Variants in ACSM3 observed in about 807,000 individuals in gnomAD.
ACSM3 encodes the protein acyl-CoA synthetase medium chain family member 3.
In ACSM3, 61 loss-of-function variants were observed where a neutral mutation model predicts 74.1. The observed-to-expected ratio is 0.82, with a 90% CI of 0.67 to 1.02. The LOEUF is 1.02. ACSM3 is among the 50% of genes least tolerant of loss of function. The pLI is 0.00. For missense variants in ACSM3, 660 were observed against 697.0 expected, an observed-to-expected ratio of 0.95 and a Z score of 0.60; for synonymous variants, 213 against 241.5, an observed-to-expected ratio of 0.88 and a Z score of 1.09.
chr16:20,754,410 C>T (rs192828847), intron 2 of ACSM3, among the ~76,000 whole-genome samples: 1 of 152,284 alleles, frequency 6.6e-6, no homozygotes. Context: ...AAGCCTAACT[C>T]AGAATTTAAA....
At chr16:20,691,190 G>T in intron 1 of ACSM3, 1 of 1,568,046 alleles carries the variant, frequency 6.4e-7, no homozygotes, top group Non-Finnish European at 8.6e-7. Flanking sequence ...CCACTGCATG[G>T]TGAAACAGTC....
upstream of ACSM3, among the ~76,000 whole-genome samples, chr16:20,762,739 C>G (rs946393039): frequency 1.3e-5 from 2 of 152,038 alleles, no homozygotes; most frequent in Non-Finnish European, 2.9e-5. Context: ...TAAAAACACT[C>G]AGAAAAAAAT....
rs150358594 is a variant in ACSM3, at chr16:20,739,064, T to C, written c.-189-10846T>C. On this transcript the variant is annotated intron_variant, in intron 1 of 3. Transcript: ENST00000561584. ...ACTTCCAGAGGGCTGCTGATCCTTG[T>C]CTGTAAACTGTTTGCATAAAACTAA... is the stretch of plus-strand genomic sequence containing the variant. 97 of 1,614,062 alleles carry C rather than the reference T, an allele frequency of 6.0e-5. No individual in the cohort carries two copies. The highest frequency in any genetic ancestry group is 8.0e-5 in the Non-Finnish European group (94 of 1,180,024).
chr16:20,711,374 A>G (rs1448837629), intron 1 of ACSM3: 2 of 451,040 alleles, frequency 4.4e-6, no homozygotes, highest in East Asian at 9.7e-5. Context: ...TGAAGGATGG[A>G]TTGTAATGCT....
chr16:20,713,389 T>G (rs954790003), intron 1 of ACSM3, among the ~76,000 whole-genome samples: 5 of 152,116 alleles, frequency 3.3e-5, no homozygotes, highest in African/African-American at 1.2e-4. Flanking sequence ...TAAAATACTT[T>G]TTAACATACC....
chr16:20,675,128 C>T (rs958198110), intron 1 of ACSM3, among the ~76,000 whole-genome samples: 1 of 151,988 alleles, frequency 6.6e-6, no homozygotes, highest in African/African-American at 2.4e-5. Flanking sequence ...CAGAGAGGTT[C>T]GTTTCCTCTG....
rs770803905 is a variant in ACSM3, at chr16:20,790,902, T to A, written c.1326+214T>A. On this transcript the variant is annotated intron_variant, in intron 10 of 13. Coordinates refer to ENST00000289416, the MANE Select transcript of ACSM3 (RefSeq NM_005622.4). The surrounding 1 kb of genome is among the most constrained non-coding windows in gnomAD (Gnocchi z 4.0). Reference sequence around the variant, plus strand: ...TGGTCCCCTGAGGCCAGATCACTGTTCCAGGTCCACGAAGGCAAGAGGAAG... The same window carrying A: ...TGGTCCCCTGAGGCCAGATCACTGTACCAGGTCCACGAAGGCAAGAGGAAG... 4 of 1,613,932 alleles carry A rather than the reference T, an allele frequency of 2.5e-6. No homozygotes were observed. In the African/African-American group the frequency reaches 5.3e-5, roughly 22 times the overall value.
intron 1 of ACSM3, among the ~76,000 whole-genome samples, chr16:20,769,036 G>A (rs118031121): frequency 0.07 from 10,614 of 152,206 alleles, 516 homozygotes; most frequent in Admixed American, 0.11. Flanking sequence ...GCTGACATCT[G>A]CAATTATGTA....
At chr16:20,728,028 C>G in intron 1 of ACSM3, 1 of 183,002 alleles carries the variant, frequency 5.5e-6, no homozygotes, top group Non-Finnish European at 1.1e-5. Context: ...AACTACTGGT[C>G]TCAAATAGTA....
At chr16:20,781,838 A>C in intron 7 of ACSM3, 51 bp downstream of exon 7, 1 of 1,397,546 alleles carries the variant, frequency 7.2e-7, no homozygotes, top group Non-Finnish European at 1.0e-6. Context: ...GAGAAGAGGA[A>C]GCTATAAAAT....
At chr16:20,773,069 A>G (rs542145192) in intron 2 of ACSM3, among the ~76,000 whole-genome samples, 2 of 151,924 alleles carry the variant, frequency 1.3e-5, no homozygotes, top group South Asian at 2.1e-4. Flanking sequence ...ATCTCATTAC[A>G]TATTATTGGT....
chr16:20,792,071 G>T lies in ACSM3; in HGVS notation c.1396G>T (p.Asp466Tyr), dbSNP rs374787604. ...TATCACTGGGGACAGAGGATATATG[G>T]ATAAAGATGGGTATTTCTGGTTTGT... is the stretch of plus-strand genomic sequence containing the variant. ...FYITGDRGYM[D>Y]KDGYFWFVAR... The change falls in exon 11 of 14, where the codon GAT becomes TAT. Residue 466 changes from aspartate (D) to tyrosine (Y), a missense_variant. Transcript: ENST00000289416. The T allele has an allele frequency of 1.2e-6, 2 of 1,614,034 alleles. No individual in the cohort carries two copies. Among genetic ancestry groups the T allele is most frequent in the Non-Finnish European group, 1.7e-6 (2 of 1,180,006 alleles).
rs1470407231 is a variant in ACSM3 at position 20,790,240 on chromosome 16, C to T, written c.1225-347C>T. On this transcript the variant is annotated intron_variant, in intron 9 of 13. Transcript: ENST00000289416. This position sits in a 1 kb window ranked among gnomAD's most constrained non-coding sequence, Gnocchi z 4.0. ...GCCAAGGCTGGAATATCACTGGAAG[C>T]CAGGAACCAGCCTGGGCAACATAAT... Among the ~76,000 whole-genome samples, 2 of 152,032 alleles carry T rather than the reference C, an allele frequency of 1.3e-5. No individual in the cohort carries two copies. Among genetic ancestry groups the T allele is most frequent in the Non-Finnish European group, 2.9e-5 (2 of 68,010 alleles).
At chr16:20,780,615 C>CA in intron 4 of ACSM3, 99 bp from the exon 5 acceptor site, 1 of 1,610,568 alleles carries the variant, frequency 6.2e-7, no homozygotes, top group Non-Finnish European at 8.5e-7. Context: ...TGATTCATGA[C>CA]ATGAAGAGGT....
intron 4 of ACSM3, among the ~76,000 whole-genome samples, chr16:20,778,754 AT>A (rs1372984659): frequency 6.6e-6 from 1 of 150,740 alleles, no homozygotes; most frequent in Non-Finnish European, 1.5e-5. Context: ...ACAGCTATAG[AT>A]ACTTTTTTTT....
chr16:20,693,776 TC>T (rs1226530681), intron 1 of ACSM3, among the ~76,000 whole-genome samples: 1 of 152,218 alleles, frequency 6.6e-6, no homozygotes, highest in African/African-American at 2.4e-5. Context: ...GCTTAAAATC[TC>T]TAACCTAGGC....
At chr16:20,750,627 C>A (rs2079982182) in intron 2 of ACSM3, among the ~76,000 whole-genome samples, 1 of 152,150 alleles carries the variant, frequency 6.6e-6, no homozygotes, top group African/African-American at 2.4e-5. Flanking sequence ...AATTCTGCAT[C>A]AGACTTAAGC....
chr16:20,782,611 G>A (rs1387191518), intron 7 of ACSM3, among the ~76,000 whole-genome samples: 2 of 152,090 alleles, frequency 1.3e-5, no homozygotes, highest in Non-Finnish European at 2.9e-5. Flanking sequence ...TATCTCCGTG[G>A]AGGCAGCATC....
chr16:20,716,174 G>A (rs2079760871), intron 1 of ACSM3, among the ~76,000 whole-genome samples: 1 of 152,188 alleles, frequency 6.6e-6, no homozygotes, highest in Non-Finnish European at 1.5e-5. Flanking sequence ...GAGGACATAT[G>A]CTCTGCTCTC....
Sources: allele counts gnomAD v4.1 joint callset (sites outside exome capture counted in the v4.1 genomes callset), GRCh38; gene constraint gnomAD v4.1.1; non-coding constraint Gnocchi (gnomAD v3.1); transcripts MANE v1.5; gene names NCBI Gene and HGNC (gene_info 2026-07-23, HGNC 2026-07-21).